The following NADK2 variants were observed in gnomAD, a reference collection of about 807,000 sequenced individuals.
The protein encoded by NADK2 is NAD kinase 2, mitochondrial.
In NADK2, 35 loss-of-function variants were observed where a neutral mutation model predicts 62.1. The ratio of observed to expected loss-of-function variants is 0.56; its 90% CI spans 0.43 to 0.75. The LOEUF (loss-of-function observed/expected upper bound fraction) is 0.75, where lower values mean the gene tolerates loss of function less well. Among genes scored for constraint, NADK2 ranks in the 30% least tolerant of loss-of-function variants. NADK2 has a pLI of 0.00. For synonymous variants in NADK2, 205 were observed against 207.9 expected, an observed-to-expected ratio of 0.99 and a Z score of 0.12; for missense variants, 439 against 561.3, an observed-to-expected ratio of 0.78 and a Z score of 2.20.
At chr5:36,221,582 G>A (rs1419558021) in intron 4 of NADK2, 1 of 152,102 alleles carries the variant, frequency 6.6e-6, no homozygotes, top group African/African-American at 2.4e-5. Context: ...CAGACAACTT[G>A]AAGCATACAC....
At chr5:36,220,644 A>G (rs1259269114) in intron 4 of NADK2, among the ~76,000 whole-genome samples, 1 of 152,232 alleles carries the variant, frequency 6.6e-6, no homozygotes, top group Non-Finnish European at 1.5e-5. Context: ...AGTTCACACA[A>G]TGTTAAGTAT....
Position 36,195,094 on chromosome 5 carries a change from G to C in NADK2, c.*50C>G, listed in dbSNP as rs780241506. ...ACTTTACGACTGGTAGTCTGTTTCT[G>C]AAGTAAAAATATTCTCGCCAGTAAT... On this transcript the variant is annotated 3_prime_UTR_variant, in exon 12 of 12. Transcript: ENST00000381937. 1.3e-6 allele frequency: 2 copies of C among 1,562,240 alleles called. No homozygotes were observed. Among genetic ancestry groups the C allele is most frequent in the East Asian group, 4.6e-5 (2 of 43,266 alleles).
chr5:36,196,664 T>C (rs1053082997), intron 11 of NADK2, among the ~76,000 whole-genome samples: 2 of 152,166 alleles, frequency 1.3e-5, no homozygotes, highest in African/African-American at 4.8e-5. Context: ...TTATAGTGCT[T>C]TTTATGACAT....
chr5:36,241,088 C>G lies in NADK2; in HGVS notation c.300+411G>C, dbSNP rs1341127348. ...TCTCGCGGCGGCCAGGGGAGCTGTTCGCAGGGCGTCCAGACCTCAGGCCAC... is the reference window on the plus strand; with the variant it reads ...TCTCGCGGCGGCCAGGGGAGCTGTTGGCAGGGCGTCCAGACCTCAGGCCAC... On this transcript the variant is annotated intron_variant, in intron 1 of 11. Transcript: ENST00000381937. The surrounding 1 kb of genome is among the most constrained non-coding windows in gnomAD (Gnocchi z 4.9). Among the ~76,000 whole-genome samples the G allele has an allele frequency of 2.6e-5, 4 of 152,196 alleles. No homozygotes were observed. The East Asian group carries it at 7.7e-4, about 29-fold the overall frequency.
At chr5:36,235,995 A>G (rs1747894972) in intron 1 of NADK2, among the ~76,000 whole-genome samples, 2 of 152,014 alleles carry the variant, frequency 1.3e-5, no homozygotes, top group Admixed American at 1.3e-4. Context: ...TACAAAGTTC[A>G]CTGATAGTGA....
intron 6 of NADK2, among the ~76,000 whole-genome samples, chr5:36,217,140 CT>C (rs1387739221): frequency 2.0e-5 from 3 of 152,006 alleles, no homozygotes; most frequent in African/African-American, 7.2e-5. Context: ...AAAACTGTAT[CT>C]TTTTAAACAG....
Position 36,241,623 on chromosome 5 carries a change from C to T in NADK2, c.176G>A (p.Gly59Asp), listed in dbSNP as rs2112224482. The part of the protein sequence containing the change: ...QGQPRELAGC[G>D]SRADGGFRPS... ...GCGGAAGCCGCCGTCCGCGCGGCTG[C>T]CACAGCCCGCCAGCTCGCGCGGCTG... Residue 59 changes from glycine (G) to aspartate (D), a missense_variant, in exon 1 of 12, where the codon GGC (glycine) becomes GAC (aspartate). Coordinates refer to ENST00000381937, the MANE Select transcript of NADK2 (RefSeq NM_001085411.3). The surrounding 1 kb of genome is among the most constrained non-coding windows in gnomAD (Gnocchi z 4.9). 6.8e-7 allele frequency: 1 copy of T among 1,475,144 alleles called. No individual in the cohort carries two copies. The highest frequency in any genetic ancestry group is 1.3e-5 in the South Asian group (1 of 79,148). The allele number at this position is 1,475,144 out of a possible 1,614,324, so 91.4% of individuals were successfully genotyped here.
chr5:36,210,557 A>G (rs1554008510), intron 7 of NADK2, among the ~76,000 whole-genome samples: 2 of 152,284 alleles, frequency 1.3e-5, no homozygotes, highest in Admixed American at 6.5e-5. Flanking sequence ...ATGAAAAAAA[A>G]TCATACAAAT....
Position 36,192,831 on chromosome 5 carries a change from G to T in NADK2, c.*2313C>A, listed in dbSNP as rs1746066848. The stretch of plus-strand genomic sequence containing the variant: ...GAAACATAACATTTTGTGAAAACTA[G>T]TTTTCAAATAATGACCCCTTGAGAG... On this transcript the variant is annotated 3_prime_UTR_variant, in exon 12 of 12. Coordinates refer to ENST00000381937, the MANE Select transcript of NADK2 (RefSeq NM_001085411.3). 1 of 152,092 alleles carries T rather than the reference G, an allele frequency of 6.6e-6. No individual in the cohort carries two copies. The highest frequency in any genetic ancestry group is 2.4e-5 in the African/African-American group (1 of 41,434). 9.4% of individuals were successfully genotyped at this position (152,092 alleles called of 1,614,324 possible).
intron 1 of NADK2, among the ~76,000 whole-genome samples, chr5:36,232,778 A>C (rs1747752806): frequency 6.6e-6 from 1 of 151,996 alleles, no homozygotes; most frequent in Admixed American, 6.6e-5. Context: ...ATTTTCTCTG[A>C]GTTATCGCCC....
At chr5:36,222,946 C>A (rs1292660631) in intron 4 of NADK2, among the ~76,000 whole-genome samples, 1 of 152,130 alleles carries the variant, frequency 6.6e-6, no homozygotes, top group African/African-American at 2.4e-5. Flanking sequence ...TTTAATACCA[C>A]TGGATATATC....
intron 4 of NADK2, among the ~76,000 whole-genome samples, chr5:36,223,662 C>T (rs1481542438): frequency 3.9e-5 from 6 of 152,188 alleles, no homozygotes; most frequent in Middle Eastern, 3.4e-3. Context: ...CCAGTAGATT[C>T]GGTAAGTAGG....
Position 36,241,276 on chromosome 5 carries a change from T to A in NADK2, c.300+223A>T. On this transcript the variant is annotated intron_variant, in intron 1 of 11. Coordinates refer to ENST00000381937, the MANE Select transcript of NADK2 (RefSeq NM_001085411.3). The surrounding 1 kb of genome is among the most constrained non-coding windows in gnomAD (Gnocchi z 4.9). ...AAGTCCCTGCATGAACCACTGTCCC[T>A]CTCTCTCCCCCTCTCCCCGGCCCTG... 1.1e-6 allele frequency: 1 copy of A among 879,332 alleles called. No individual in the cohort carries two copies. The highest frequency in any genetic ancestry group is 1.5e-6 in the Non-Finnish European group (1 of 650,548). The allele number at this position is 879,332 out of a possible 1,614,324, so 54.5% of individuals were successfully genotyped here.
At chr5:36,240,893 A>G (rs1748083850) in intron 1 of NADK2, among the ~76,000 whole-genome samples, 1 of 152,214 alleles carries the variant, frequency 6.6e-6, no homozygotes, top group Non-Finnish European at 1.5e-5. Flanking sequence ...TGTGCTTTTA[A>G]AACAAGCTCG....
chr5:36,236,735 A>C (rs1037310691), intron 1 of NADK2, among the ~76,000 whole-genome samples: 1 of 152,146 alleles, frequency 6.6e-6, no homozygotes, highest in African/African-American at 2.4e-5. Flanking sequence ...ACAGTTTAGA[A>C]AAGAAAATAA....
Position 36,241,892 on chromosome 5 carries a change from C to CT in NADK2, c.-95dup. On this transcript the variant is annotated 5_prime_UTR_variant, in exon 1 of 12. Transcript: ENST00000381937. This position sits in a 1 kb window ranked among gnomAD's most constrained non-coding sequence, Gnocchi z 4.9. Reference sequence around the variant, plus strand: ...CGCGCCGTCCGCGCCGCCCGGGCCTCTAACTTCGCGCCGGACGGGCAGAGG... The same window carrying CT: ...CGCGCCGTCCGCGCCGCCCGGGCCTCTTAACTTCGCGCCGGACGGGCAGAGG... 1 of 1,001,400 alleles carries CT rather than the reference C, an allele frequency of 1.0e-6. No homozygotes were observed. The highest frequency in any genetic ancestry group is 1.2e-6 in the Non-Finnish European group (1 of 824,640). 62.0% of individuals were successfully genotyped at this position (1,001,400 alleles called of 1,614,324 possible).
chr5:36,219,727 A>C, intron 4 of NADK2, 48 bp from the exon 5 acceptor site: 2 of 1,428,318 alleles, frequency 1.4e-6, no homozygotes, highest in Non-Finnish European at 2.0e-6. Flanking sequence ...GAAAAGAAAA[A>C]AGGTGAAGCA....
rs752472337 is a variant in NADK2, at chr5:36,217,863, G to T, written c.666C>A (p.Ile222=). 1 of 1,612,860 alleles carries T rather than the reference G, an allele frequency of 6.2e-7. No homozygotes were observed. ...TGCCAGTCCCTTCAAGGTATAACCT[G>T]ATTCTCTGCCTCCACAACCACCTTA... ...GEFRWLWRQR[I]RLYLEGTGIN... Residue 222 remains isoleucine, a synonymous_variant, in exon 6 of 12, where the codon ATC becomes ATA. Coordinates refer to ENST00000381937, the MANE Select transcript of NADK2 (RefSeq NM_001085411.3).
chr5:36,234,151 G>T (rs1321687268), intron 1 of NADK2, among the ~76,000 whole-genome samples: 1 of 151,868 alleles, frequency 6.6e-6, no homozygotes, highest in Non-Finnish European at 1.5e-5. Context: ...GAGACGGGCG[G>T]ATCACGAGGT....
Sources: allele counts gnomAD v4.1 joint callset (sites outside exome capture counted in the v4.1 genomes callset), GRCh38; gene constraint gnomAD v4.1.1; non-coding constraint Gnocchi (gnomAD v3.1); transcripts MANE v1.5; gene names NCBI Gene and HGNC (gene_info 2026-07-23, HGNC 2026-07-21).